E2F3: variants seen among roughly 807,000 people sequenced by gnomAD.
E2F3 encodes the protein transcription factor E2F3.
E2F3 carries 11 observed loss-of-function variants against 44.4 expected under a neutral mutation model. The ratio of observed to expected loss-of-function variants is 0.25; its 90% confidence interval spans 0.16 to 0.41. The LOEUF (loss-of-function observed/expected upper bound fraction) is 0.41. Among genes scored for constraint, E2F3 ranks in the 10% least tolerant of loss-of-function variants. The pLI is 1.00. For synonymous variants in E2F3, 249 were observed against 253.0 expected (o/e 0.98, Z 0.15); for missense variants, 487 against 583.6 (o/e 0.83, Z 1.70).
intron 1 of E2F3, among the ~76,000 whole-genome samples, chr6:20,436,313 G>T (rs1760574980): frequency 6.6e-6 from 1 of 152,134 alleles, no homozygotes; most frequent in Non-Finnish European, 1.5e-5. Context: ...AGGAATGTTT[G>T]ACTTTAGCAC....
Position 20,402,644 on chromosome 6 carries a change from A to C in E2F3, c.393+19A>C. On this transcript the variant is annotated intron_variant, in intron 1 of 6. Transcript: ENST00000346618. This position sits in a 1 kb window ranked among gnomAD's most constrained non-coding sequence, Gnocchi z 5.6. ...CCCTCCGGTAATACCCTCCCTCCCC[A>C]CCGTCCCCAGCCCCGGCGGGAGGTG... The C allele has an allele frequency of 7.6e-7, 1 of 1,314,552 alleles. No homozygotes were observed. Among genetic ancestry groups the C allele is most frequent in the South Asian group, 2.2e-5 (1 of 46,182 alleles). 81.4% of individuals were successfully genotyped at this position (1,314,552 alleles called of 1,614,324 possible). A position where few individuals can be genotyped will look rare whatever the true frequency, so the allele number is the denominator to read the frequency against.
At chr6:20,420,459 G>A (rs1759987715) in intron 1 of E2F3, among the ~76,000 whole-genome samples, 2 of 152,132 alleles carry the variant, frequency 1.3e-5, no homozygotes, top group African/African-American at 4.8e-5. Context: ...GTGTGTGTGT[G>A]TGTGTATAGT....
At chr6:20,421,015 A>G (rs1760009031) in intron 1 of E2F3, among the ~76,000 whole-genome samples, 1 of 152,234 alleles carries the variant, frequency 6.6e-6, no homozygotes, top group Non-Finnish European at 1.5e-5. Flanking sequence ...CATTGTTCAC[A>G]GTCATCTTCC....
intron 1 of E2F3, among the ~76,000 whole-genome samples, chr6:20,446,870 T>A (rs1760963042): frequency 6.6e-6 from 1 of 152,184 alleles, no homozygotes; most frequent in Non-Finnish European, 1.5e-5. Context: ...CCCGGCCCTC[T>A]GTATTTTTGA....
chr6:20,434,748 C>G (rs762219584), intron 1 of E2F3, among the ~76,000 whole-genome samples: 6 of 152,204 alleles, frequency 3.9e-5, no homozygotes, highest in Non-Finnish European at 8.8e-5. Flanking sequence ...CCTGACATCC[C>G]CATTCACTGC....
chr6:20,457,354 T>TTC (rs1554138878), intron 1 of E2F3, among the ~76,000 whole-genome samples: 2 of 146,088 alleles, frequency 1.4e-5, no homozygotes, highest in African/African-American at 2.5e-5. Flanking sequence ...TTTTCTTTTT[T>TTC]TTTTTTTTTT....
Position 20,491,331 on chromosome 6 carries a change from T to C in E2F3, c.*901T>C. On this transcript the variant is annotated 3_prime_UTR_variant, in exon 7 of 7. Transcript: ENST00000346618. ...CTTTGAAGCGGTTTTTGCAAATTCA[T>C]ATTACTTAAGCAGAGGGAGAGAACC... The C allele has an allele frequency of 4.4e-6, 1 of 228,868 alleles. No homozygotes were observed. The highest frequency in any genetic ancestry group is 8.7e-6 in the Non-Finnish European group (1 of 114,924). The allele number at this position is 228,868 out of a possible 1,614,324, so 14.2% of individuals were successfully genotyped here. A position where few individuals can be genotyped will look rare whatever the true frequency, so the allele number is the denominator to read the frequency against.
At position 20,449,865 on chromosome 6, in the gene E2F3, T is replaced by C. The variant is rs146578944; in HGVS notation, c.394-29981T>C. Among the ~76,000 whole-genome samples the C allele has an allele frequency of 2.0e-4, 30 of 152,260 alleles. No homozygotes were observed. The East Asian group carries it at 5.6e-3, about 28-fold the overall frequency. Reference sequence around the variant, plus strand: ...TAGCTCCCACTTATAAGTGAGAACATGCAGTATATGGTTTTCCGTTCCTGT... The same window carrying C: ...TAGCTCCCACTTATAAGTGAGAACACGCAGTATATGGTTTTCCGTTCCTGT... On this transcript the variant is annotated intron_variant, in intron 1 of 6. Coordinates refer to ENST00000346618, the MANE Select transcript of E2F3 (RefSeq NM_001949.5).
chr6:20,429,413 C>A (rs1385266363), intron 1 of E2F3, among the ~76,000 whole-genome samples: 3 of 152,188 alleles, frequency 2.0e-5, no homozygotes, highest in Admixed American at 2.0e-4. Context: ...CTTGAGTCAT[C>A]CCCTTTGTCC....
At chr6:20,467,687 C>G (rs1308885161) in intron 1 of E2F3, among the ~76,000 whole-genome samples, 1 of 152,154 alleles carries the variant, frequency 6.6e-6, no homozygotes, top group African/African-American at 2.4e-5. Flanking sequence ...AGGTTTGGCC[C>G]AGCACTTTCT....
chr6:20,437,862 T>C (rs1392586696), intron 1 of E2F3: 3 of 152,242 alleles, frequency 2.0e-5, no homozygotes, highest in Admixed American at 2.0e-4. Context: ...CTGGCAGAAC[T>C]GATGGAGAGC....
chr6:20,470,677 A>C (rs12205236), intron 1 of E2F3, among the ~76,000 whole-genome samples: 102,493 of 152,036 alleles, frequency 0.67, 35,537 homozygotes, highest in Non-Finnish European at 0.77. Flanking sequence ...ATCATCTATC[A>C]AGTTCTATCC....
intron 1 of E2F3, among the ~76,000 whole-genome samples, chr6:20,405,031 G>C (rs1389430476): frequency 6.6e-6 from 1 of 152,174 alleles, no homozygotes; most frequent in Non-Finnish European, 1.5e-5. Context: ...AGAGCTTCAA[G>C]TTGATTTTTA....
At chr6:20,480,249 T>C (rs1413825575) in intron 2 of E2F3, among the ~76,000 whole-genome samples, 1 of 152,182 alleles carries the variant, frequency 6.6e-6, no homozygotes, top group African/African-American at 2.4e-5. Context: ...TAATTTTAAC[T>C]TCCCTTAATG....
At chr6:20,482,620 A>ATATATATG (rs1554141465) in intron 3 of E2F3, 142 bp from the exon 4 acceptor site, 4 of 293,378 alleles carry the variant, frequency 1.4e-5, no homozygotes, top group Non-Finnish European at 1.9e-5. Flanking sequence ...ATATATATAT[A>ATATATATG]TGTGTAAATG....
chr6:20,427,838 T>C (rs1481164549), intron 1 of E2F3, among the ~76,000 whole-genome samples: 2 of 152,192 alleles, frequency 1.3e-5, no homozygotes, highest in African/African-American at 2.4e-5. Flanking sequence ...TAGTGCTCTT[T>C]CCAAGTGAGT....
intron 5 of E2F3, among the ~76,000 whole-genome samples, chr6:20,487,421 C>G (rs998073934): frequency 6.6e-6 from 1 of 152,112 alleles, no homozygotes; most frequent in African/African-American, 2.4e-5. Context: ...ATAATAATAG[C>G]TCTTTGACCT....
chr6:20,460,401 C>T (rs1178494246), intron 1 of E2F3, among the ~76,000 whole-genome samples: 2 of 152,096 alleles, frequency 1.3e-5, no homozygotes, highest in Non-Finnish European at 2.9e-5. Flanking sequence ...TTTGGCTTTA[C>T]ATTGGAAACC....
chr6:20,438,814 G>A (rs141494176), intron 1 of E2F3, among the ~76,000 whole-genome samples: 18 of 152,266 alleles, frequency 1.2e-4, no homozygotes, highest in African/African-American at 4.1e-4. Flanking sequence ...GCTGTCTCCC[G>A]TGCTTTCTGC....
Sources: gnomAD v4.1 joint callset for allele counts (sites outside exome capture counted in the v4.1 genomes callset) on GRCh38, gnomAD v4.1.1 for gene constraint, Gnocchi (gnomAD v3.1) non-coding constraint, MANE v1.5 for transcripts, NCBI Gene and HGNC (gene_info 2026-07-23, HGNC 2026-07-21) for gene names.